Variants in KDELR3 observed in about 807,000 individuals in gnomAD.
KDELR3 encodes KDEL endoplasmic reticulum protein retention receptor 3.
In KDELR3, 26 loss-of-function variants were observed where a neutral mutation model predicts 22.7. The observed-to-expected ratio is 1.15, with a 90% CI of 0.84 to 1.59. The LOEUF (loss-of-function observed/expected upper bound fraction) is 1.59. Among genes scored for constraint, KDELR3 ranks in the 40% most tolerant of loss-of-function variants. KDELR3 has a pLI of 0.00. For synonymous variants in KDELR3, 120 were observed against 98.2 expected (o/e 1.22, Z -1.31); for missense variants, 289 against 251.1 (o/e 1.15, Z -1.02).
chr22:38,481,337 G>C lies in KDELR3; in HGVS notation c.477G>C (p.Arg159=). 6.2e-7 allele frequency: 1 copy of C among 1,614,112 alleles called. No homozygotes were observed. Among genetic ancestry groups the C allele is most frequent in the Non-Finnish European group, 8.5e-7 (1 of 1,180,022 alleles). ...ACCTGTTCTTTCTGGGTCTGTACCG[G>C]GCACTCTACCTGGCTAACTGGATCA... ...THYLFFLGLY[R]ALYLANWIRR... The change falls in exon 4 of 5, where the codon CGG becomes CGC. Residue 159 remains arginine, a synonymous_variant. Transcript: ENST00000216014.
Position 38,481,335 on chromosome 22 carries a change from C to A in KDELR3, c.475C>A (p.Arg159=). ...CTACCTGTTCTTTCTGGGTCTGTAC[C>A]GGGCACTCTACCTGGCTAACTGGAT... The part of the protein sequence containing the change: ...THYLFFLGLY[R]ALYLANWIRR... The change falls in exon 4 of 5, where the codon CGG becomes AGG. Residue 159 remains arginine, a synonymous_variant. Coordinates refer to ENST00000216014, the MANE Select transcript of KDELR3 (RefSeq NM_006855.4). 6.2e-7 allele frequency: 1 copy of A among 1,614,118 alleles called. No individual in the cohort carries two copies. Among genetic ancestry groups the A allele is most frequent in the Non-Finnish European group, 8.5e-7 (1 of 1,180,024 alleles).
chr22:38,480,905 T>G (rs1473914665), intron 3 of KDELR3, among the ~76,000 whole-genome samples: 1 of 151,824 alleles, frequency 6.6e-6, no homozygotes, highest in African/African-American at 2.4e-5. Context: ...CACTCCAGCC[T>G]GGGTGACAAC....
intron 2 of KDELR3, among the ~76,000 whole-genome samples, chr22:38,475,886 G>A (rs138426): frequency 0.89 from 135,475 of 152,184 alleles, 61,431 homozygotes; most frequent in Non-Finnish European, 0.98. Context: ...CACCCACCTC[G>A]ACCTCCCAAA....
chr22:38,481,064 C>G (rs945936306), intron 3 of KDELR3, 148 bp from the exon 4 acceptor site: 1 of 728,228 alleles, frequency 1.4e-6, no homozygotes. Context: ...GTAGGTTAAA[C>G]TGATTAAAAT....
chr22:38,473,140 T>G (rs2089535206), intron 1 of KDELR3, among the ~76,000 whole-genome samples: 1 of 152,082 alleles, frequency 6.6e-6, no homozygotes, highest in African/African-American at 2.4e-5. Flanking sequence ...GAAACAGCAT[T>G]TAGACTGGGC....
In KDELR3 at chr22:38,481,414, T is replaced by C; in HGVS notation, c.554T>C (p.Val185Ala). ...FYDQIAVVSG[V>A]VQTIFYCDFF... Reference sequence around the variant, plus strand: ...GACCAAATTGCAGTCGTGTCTGGAGTAGTACAAACCATCTTCTACTGTGAC... The same window carrying C: ...GACCAAATTGCAGTCGTGTCTGGAGCAGTACAAACCATCTTCTACTGTGAC... Residue 185 changes from valine (V) to alanine (A), a missense_variant, in exon 4 of 5, where the codon GTA becomes GCA. Coordinates refer to ENST00000216014, the MANE Select transcript of KDELR3 (RefSeq NM_006855.4). 1 of 1,613,958 alleles carries C rather than the reference T, an allele frequency of 6.2e-7. No homozygotes were observed.
At position 38,482,565 on chromosome 22, in the gene KDELR3, C is replaced by A. The variant is rs1569134577; in HGVS notation, c.*29C>A. 1 of 1,583,012 alleles carries A rather than the reference C, an allele frequency of 6.3e-7. No individual in the cohort carries two copies. The highest frequency in any genetic ancestry group is 8.7e-7 in the Non-Finnish European group (1 of 1,152,618). On this transcript the variant is annotated 3_prime_UTR_variant, in exon 5 of 5. Coordinates refer to ENST00000216014, the MANE Select transcript of KDELR3 (RefSeq NM_006855.4). ...CCTTCAGAGACAGTCTACGCCTTAA[C>A]AAGCACATGAAGGAAACTATTTTGA... is the stretch of plus-strand genomic sequence containing the variant.
chr22:38,480,645 C>T (rs542224987), intron 3 of KDELR3, among the ~76,000 whole-genome samples: 40 of 151,714 alleles, frequency 2.6e-4, no homozygotes, highest in African/African-American at 7.3e-4. Context: ...CTCAGCTACT[C>T]GGGAGGCTGA....
Position 38,479,718 on chromosome 22 carries a change from C to T in KDELR3, c.318C>T (p.Ser106=), listed in dbSNP as rs914122008. The change falls in exon 3 of 5, where the codon TCC becomes TCT. Residue 106 remains serine (S), a synonymous_variant. Transcript: ENST00000216014. Reference sequence around the variant, plus strand: ...TTCTGGTCCCAGTCATTGGCCTTTCCTTCCTTGAAAACTACAGTTTCACTC... The same window carrying T: ...TTCTGGTCCCAGTCATTGGCCTTTCTTTCCTTGAAAACTACAGTTTCACTC... The part of the protein sequence containing the change: ...EFLLVPVIGL[S]FLENYSFTLL... The T allele has an allele frequency of 6.2e-7, 1 of 1,614,180 alleles. No individual in the cohort carries two copies. The highest frequency in any genetic ancestry group is 8.5e-7 in the Non-Finnish European group (1 of 1,180,014).
intron 2 of KDELR3, among the ~76,000 whole-genome samples, chr22:38,476,823 C>T (rs1489235531): frequency 2.7e-5 from 4 of 150,470 alleles, no homozygotes; most frequent in African/African-American, 4.9e-5. Flanking sequence ...CACACCTGGC[C>T]CCCCCTTTTT....
chr22:38,476,907 GTTAT>G (rs374233706), intron 2 of KDELR3, among the ~76,000 whole-genome samples: 158 of 143,084 alleles, frequency 1.1e-3, no homozygotes, highest in South Asian at 2.0e-3. Context: ...CCGGGTTCAA[GTTAT>G]TTATTTATTT....
chr22:38,482,090 C>T (rs1453593649), intron 4 of KDELR3, among the ~76,000 whole-genome samples: 1 of 152,074 alleles, frequency 6.6e-6, no homozygotes, highest in Non-Finnish European at 1.5e-5. Context: ...GGTATTGGGT[C>T]ATTAAAAAAC....
At chr22:38,475,185 C>T (rs190008432) in intron 2 of KDELR3, among the ~76,000 whole-genome samples, 2 of 151,502 alleles carry the variant, frequency 1.3e-5, no homozygotes, top group East Asian at 3.9e-4. Context: ...AAAACCCTGC[C>T]ATATATTAAA....
intron 2 of KDELR3, 23 bp downstream of exon 2, chr22:38,474,646 T>C (rs1602658933): frequency 3.8e-6 from 6 of 1,586,666 alleles, no homozygotes; most frequent in Non-Finnish European, 5.2e-6. Flanking sequence ...GTGATGATGG[T>C]TGGGGGAAGC....
chr22:38,476,738 C>A lies in KDELR3; in HGVS notation c.192+2115C>A, dbSNP rs527514975. Reference sequence around the variant, plus strand: ...ACGGGGTTTCACTATGTTGGCCAGGCTGGTCTCAAACTCCTGACCTCGTGA... The same window carrying A: ...ACGGGGTTTCACTATGTTGGCCAGGATGGTCTCAAACTCCTGACCTCGTGA... On this transcript the variant is annotated intron_variant, in intron 2 of 4. Coordinates refer to ENST00000216014, the MANE Select transcript of KDELR3 (RefSeq NM_006855.4). 4.6e-5 allele frequency among the ~76,000 whole-genome samples: 7 copies of A among 151,234 alleles called. No homozygotes were observed. In the East Asian group the frequency reaches 9.8e-4, roughly 21 times the overall value.
rs940558352 is a variant in KDELR3 at position 38,478,025 on chromosome 22, CTT to C, written c.193-1567_193-1566del. On this transcript the variant is annotated intron_variant, in intron 2 of 4. Coordinates refer to ENST00000216014, the MANE Select transcript of KDELR3 (RefSeq NM_006855.4). ...GGTGGACCTTGCCACGGAGTCCTCT[CTT>C]AGAGGGGAGATGGACTTGTACCTAG... Among the ~76,000 whole-genome samples, 12 of 152,262 alleles carry C rather than the reference CTT, an allele frequency of 7.9e-5. No homozygotes were observed. The East Asian group carries it at 2.3e-3, about 29-fold the overall frequency.
chr22:38,480,396 G>A (rs2089591151), intron 3 of KDELR3, among the ~76,000 whole-genome samples: 1 of 151,920 alleles, frequency 6.6e-6, no homozygotes, highest in East Asian at 1.9e-4. Flanking sequence ...CACCCACCTC[G>A]GCCTCCCAAA....
Position 38,482,856 on chromosome 22 carries a change from C to A in KDELR3, c.*320C>A. On this transcript the variant is annotated 3_prime_UTR_variant, in exon 5 of 5. Transcript: ENST00000216014. ...TTCTCCAAGGCCTGAGGGCAAGACTCATGATGAGCAAGTCAACCCCAATCT... is the reference window on the plus strand; with the variant it reads ...TTCTCCAAGGCCTGAGGGCAAGACTAATGATGAGCAAGTCAACCCCAATCT... The A allele has an allele frequency of 3.1e-6, 1 of 319,992 alleles. No homozygotes were observed. 19.8% of individuals were successfully genotyped at this position (319,992 alleles called of 1,614,324 possible).
intron 1 of KDELR3, among the ~76,000 whole-genome samples, chr22:38,468,740 C>T (rs1425551023): frequency 6.6e-6 from 1 of 152,166 alleles, no homozygotes; most frequent in Non-Finnish European, 1.5e-5. Context: ...CCAGACCCCA[C>T]CCCGCCCCCC....
Sources: allele counts gnomAD v4.1 joint callset (sites outside exome capture counted in the v4.1 genomes callset), GRCh38; gene constraint gnomAD v4.1.1; transcripts MANE v1.5; gene names NCBI Gene and HGNC (gene_info 2026-07-23, HGNC 2026-07-21).